Variants in ABCC4 observed in about 807,000 individuals in gnomAD.
The protein encoded by ABCC4 is ATP-binding cassette sub-family C member 4.
In ABCC4, 102 loss-of-function variants were observed where a neutral mutation model predicts 168.5. The observed-to-expected ratio is 0.61, with a 90% CI of 0.52 to 0.71. ABCC4 has a LOEUF of 0.71. ABCC4 is among the 30% of genes least tolerant of loss of function. The pLI is 0.00. For missense variants in ABCC4, 1,402 were observed against 1,605.8 expected (o/e 0.87, Z 2.17); for synonymous variants, 617 against 590.7 (o/e 1.04, Z -0.65).
intron 4 of ABCC4, among the ~76,000 whole-genome samples, chr13:95,219,520 T>C (rs552458435): frequency 6.6e-6 from 1 of 152,254 alleles, no homozygotes; most frequent in East Asian, 1.9e-4. Flanking sequence ...CATCTTTTTG[T>C]TGTGTGTGTG....
chr13:95,081,510 C>T (rs568687883), intron 21 of ABCC4, among the ~76,000 whole-genome samples: 1 of 152,222 alleles, frequency 6.6e-6, no homozygotes, highest in Non-Finnish European at 1.5e-5. Context: ...TTATACTCTA[C>T]CTTCCCTAGC....
intron 26 of ABCC4, among the ~76,000 whole-genome samples, chr13:95,058,575 AAAAAAAAAAAAAAAAAAGAAAAG>A (rs1266091068): frequency 8.0e-5 from 5 of 62,204 alleles, no homozygotes; most frequent in Non-Finnish European, 1.6e-4. Flanking sequence ...CTCAAAAAAA[AAAAAAAAAAAAAAAAAAGAAAAG>A]AAAAAGAAAA....
At chr13:95,223,209 G>C (rs1250724963) in intron 4 of ABCC4, among the ~76,000 whole-genome samples, 1 of 152,132 alleles carries the variant, frequency 6.6e-6, no homozygotes, top group Non-Finnish European at 1.5e-5. Context: ...ATACTTTTTA[G>C]AATTATCAGA....
intron 10 of ABCC4, among the ~76,000 whole-genome samples, chr13:95,187,143 T>A (rs779961447): frequency 3.9e-5 from 6 of 152,220 alleles, no homozygotes; most frequent in Non-Finnish European, 7.3e-5. Flanking sequence ...ATGAGTTTCA[T>A]GCCCCTAAAT....
chr13:95,158,034 T>C (rs370088470), intron 19 of ABCC4, among the ~76,000 whole-genome samples: 2 of 145,402 alleles, frequency 1.4e-5, no homozygotes, highest in Admixed American at 1.4e-4. Flanking sequence ...ATCACGCCAC[T>C]GCACTCCAGC....
At chr13:95,070,534 A>C (rs1303778862) in intron 25 of ABCC4, among the ~76,000 whole-genome samples, 1 of 152,182 alleles carries the variant, frequency 6.6e-6, no homozygotes, top group African/African-American at 2.4e-5. Context: ...TGGCAGACTT[A>C]GATACCTGCA....
intron 20 of ABCC4, among the ~76,000 whole-genome samples, chr13:95,087,101 TAGAG>T (rs1232662978): frequency 6.6e-6 from 1 of 152,020 alleles, no homozygotes; most frequent in Non-Finnish European, 1.5e-5. Context: ...TCTTCTGATT[TAGAG>T]AGAAAAAAAT....
chr13:95,195,021 A>G, intron 8 of ABCC4, 84 bp from the exon 9 acceptor site: 1 of 1,154,842 alleles, frequency 8.7e-7, no homozygotes, highest in South Asian at 1.3e-5. Flanking sequence ...TGGAATTTGT[A>G]ACATAAAACT....
rs1267848209 is a variant in ABCC4 at position 95,126,107 on chromosome 13, G to A, written c.2456-10106C>T. Among the ~76,000 whole-genome samples the A allele has an allele frequency of 4.6e-5, 7 of 152,202 alleles. No homozygotes were observed. The East Asian group carries it at 1.3e-3, about 29-fold the overall frequency. Reference sequence around the variant, plus strand: ...TCATTAAGAACCTCTGATTCTAAGAGAGTAAGAAATCACCAATCTCTTGAC... The same window carrying A: ...TCATTAAGAACCTCTGATTCTAAGAAAGTAAGAAATCACCAATCTCTTGAC... On this transcript the variant is annotated intron_variant, in intron 19 of 30. Transcript: ENST00000645237.
intron 1 of ABCC4, among the ~76,000 whole-genome samples, chr13:95,264,159 T>C (rs1362441887): frequency 6.6e-6 from 1 of 151,908 alleles, no homozygotes; most frequent in East Asian, 1.9e-4. Context: ...TATAAATAAA[T>C]GAGTGAATAA....
At position 95,187,702 on chromosome 13, in the gene ABCC4, C is replaced by T. The variant is rs562843563; in HGVS notation, c.1353+751G>A. Among the ~76,000 whole-genome samples the T allele has an allele frequency of 1.6e-4, 25 of 152,186 alleles. No homozygotes were observed. In the South Asian group the frequency reaches 3.7e-3, roughly 23 times the overall value. On this transcript the variant is annotated intron_variant, in intron 10 of 30. Transcript: ENST00000645237. ...GGAAGGACTTTTATTTTTAAATACC[C>T]AAGAATCGTGTCTCTGAAGAGCAAA...
chr13:95,175,575 T>G (rs1566492870), intron 13 of ABCC4, among the ~76,000 whole-genome samples: 1 of 152,214 alleles, frequency 6.6e-6, no homozygotes, highest in Non-Finnish European at 1.5e-5. Context: ...CCCAAAGTGC[T>G]GGGATTACAG....
chr13:95,227,276 T>C (rs1211853716), intron 4 of ABCC4, among the ~76,000 whole-genome samples: 1 of 152,232 alleles, frequency 6.6e-6, no homozygotes, highest in Non-Finnish European at 1.5e-5. Context: ...GAAAGTTAAC[T>C]TGGCTCCTCT....
At chr13:95,212,401 T>C (rs1235385761) in intron 4 of ABCC4, among the ~76,000 whole-genome samples, 1 of 152,064 alleles carries the variant, frequency 6.6e-6, no homozygotes. Flanking sequence ...ATGCAGAAAA[T>C]ACCACATTTT....
At chr13:95,296,000 G>A (rs1389639711) in intron 1 of ABCC4, among the ~76,000 whole-genome samples, 3 of 151,548 alleles carry the variant, frequency 2.0e-5, no homozygotes, top group African/African-American at 7.3e-5. Flanking sequence ...TAGGTGTGGT[G>A]GCGTGCACCT....
chr13:95,153,772 ATAT>A (rs2036766958), intron 19 of ABCC4, among the ~76,000 whole-genome samples: 1 of 152,230 alleles, frequency 6.6e-6, no homozygotes, highest in Non-Finnish European at 1.5e-5. Flanking sequence ...AAATGATGCA[ATAT>A]TTACCAGCTG....
At chr13:95,256,970 G>A (rs889062336) in intron 1 of ABCC4, among the ~76,000 whole-genome samples, 11 of 152,034 alleles carry the variant, frequency 7.2e-5, no homozygotes, top group East Asian at 1.9e-4. Context: ...TTAAGTTTGC[G>A]CACCAAGAAG....
chr13:95,233,319 T>TTAA (rs1555334562), intron 4 of ABCC4, among the ~76,000 whole-genome samples: 1 of 146,806 alleles, frequency 6.8e-6, no homozygotes, highest in East Asian at 2.0e-4. Context: ...AGTGCACCCA[T>TTAA]AAAAAAAAAA....
In ABCC4 at chr13:95,103,070, G is replaced by A. The variant is rs142837364; in HGVS notation, c.2535+12852C>T. On this transcript the variant is annotated intron_variant, in intron 20 of 30. Transcript: ENST00000645237. Reference sequence around the variant, plus strand: ...TCACGAGGTCAGGAGTTCGAGACCAGCCGGGCCAATACGGTGAAACCCTGT... The same window carrying A: ...TCACGAGGTCAGGAGTTCGAGACCAACCGGGCCAATACGGTGAAACCCTGT... Among the ~76,000 whole-genome samples the A allele has an allele frequency of 6.6e-5, 10 of 151,406 alleles. 1 individual carries two copies. In the East Asian group the frequency reaches 2.0e-3, roughly 30 times the overall value.
Sources: gnomAD v4.1 joint callset for allele counts (sites outside exome capture counted in the v4.1 genomes callset) on GRCh38, gnomAD v4.1.1 for gene constraint, MANE v1.5 for transcripts, NCBI Gene and HGNC (gene_info 2026-07-23, HGNC 2026-07-21) for gene names.